The following SLC35F5 variants were observed in gnomAD, a reference collection of about 807,000 sequenced individuals.
SLC35F5 encodes the protein solute carrier family 35 member F5.
SLC35F5 carries 54 observed loss-of-function variants against 68.6 expected under a neutral mutation model. The ratio of observed to expected loss-of-function variants is 0.79; its 90% CI spans 0.63 to 0.99. SLC35F5 has a LOEUF of 0.99. SLC35F5 is among the 50% of genes least tolerant of loss of function. The pLI, the probability that SLC35F5 is intolerant of heterozygous loss-of-function variation, is 0.00. For synonymous variants in SLC35F5, 211 were observed against 205.2 expected, an observed-to-expected ratio of 1.03 and a Z score of -0.24; for missense variants, 567 against 626.9, an observed-to-expected ratio of 0.90 and a Z score of 1.02.
intron 7 of SLC35F5, among the ~76,000 whole-genome samples, chr2:113,740,151 G>C (rs942373014): frequency 1.3e-5 from 2 of 152,082 alleles, no homozygotes; most frequent in African/African-American, 4.8e-5. Context: ...ATTGTAATAC[G>C]GTAAAAATTA....
rs964012277 is a variant in SLC35F5, at chr2:113,742,760, T to C, written c.682A>G (p.Ile228Val). Residue 228 changes from isoleucine (I) to valine (V), a missense_variant, in exon 7 of 16, where the codon ATA (isoleucine) becomes GTA (valine). Ile to Val is a conservative substitution (Grantham distance 29). Coordinates refer to ENST00000245680, the MANE Select transcript of SLC35F5 (RefSeq NM_025181.5). Reference sequence around the variant, plus strand: ...GTAAGTTTCCCCACAGTTTTCAGTATGGATTCTTGTTCTTTCACAGGATAT... The same window carrying C: ...GTAAGTTTCCCCACAGTTTTCAGTACGGATTCTTGTTCTTTCACAGGATAT... ...MSYPVKEQES[I>V]LKTVGKLTAT... 5 of 1,614,164 alleles carry C rather than the reference T, an allele frequency of 3.1e-6. No individual in the cohort carries two copies. The Admixed American group carries it at 5.0e-5, about 16-fold the overall frequency.
At chr2:113,732,856 A>C in intron 9 of SLC35F5, among the ~76,000 whole-genome samples, 1 of 152,206 alleles carries the variant, frequency 6.6e-6, no homozygotes, top group African/African-American at 2.4e-5. Context: ...CAGAAATGTA[A>C]GGAACTTGTT....
chr2:113,747,202 CG>C (rs1676527233), intron 4 of SLC35F5, among the ~76,000 whole-genome samples: 1 of 151,196 alleles, frequency 6.6e-6, no homozygotes, highest in South Asian at 2.1e-4. Flanking sequence ...GCAGGGGAAT[CG>C]CTTGAACCAG....
intron 13 of SLC35F5, 96 bp downstream of exon 13, chr2:113,723,008 G>A: frequency 1.3e-6 from 1 of 744,016 alleles, no homozygotes; most frequent in Non-Finnish European, 2.0e-6. Flanking sequence ...TATTATTTAT[G>A]TTTGTATCCT....
At position 113,725,540 on chromosome 2, in the gene SLC35F5, G is replaced by T; in HGVS notation, c.1091-3C>A. The T allele has an allele frequency of 6.4e-7, 1 of 1,571,432 alleles. No homozygotes were observed. Among genetic ancestry groups the T allele is most frequent in the South Asian group, 1.2e-5 (1 of 83,812 alleles). On this transcript the variant is annotated splice_polypyrimidine_tract_variant and splice_region_variant and intron_variant, in intron 11 of 15. Transcript: ENST00000245680. ...CAGATTAAACAAACCTACAAAACCTGAACATGTATAAAAGAGACAAGAGTT... is the reference window on the plus strand; with the variant it reads ...CAGATTAAACAAACCTACAAAACCTTAACATGTATAAAAGAGACAAGAGTT...
chr2:113,720,367 C>A (rs189111722), intron 13 of SLC35F5, among the ~76,000 whole-genome samples: 2 of 151,422 alleles, frequency 1.3e-5, no homozygotes, highest in Admixed American at 1.3e-4. Context: ...AGGTAAGACT[C>A]CCTCTGGTGG....
At position 113,755,239 on chromosome 2, in the gene SLC35F5, T is replaced by C; in HGVS notation, c.199A>G (p.Arg67Gly). 6.2e-7 allele frequency: 1 copy of C among 1,614,102 alleles called. No homozygotes were observed. Among genetic ancestry groups the C allele is most frequent in the South Asian group, 1.1e-5 (1 of 91,084 alleles). Residue 67 changes from arginine (R) to glycine (G), a missense_variant, in exon 3 of 16, where the codon AGG becomes GGG. By Grantham distance (125) the Arg-to-Gly change is moderately radical. Coordinates refer to ENST00000245680, the MANE Select transcript of SLC35F5 (RefSeq NM_025181.5). Reference sequence around the variant, plus strand: ...ATAACAATCCCAAGAGCCATTCGCCTGCGCTGAGTGAAACCACTGTTCTGG... The same window carrying C: ...ATAACAATCCCAAGAGCCATTCGCCCGCGCTGAGTGAAACCACTGTTCTGG... The part of the protein sequence containing the change: ...NSQNSGFTQR[R>G]RMALGIVILL...
At chr2:113,727,880 T>C (rs1253657416) in intron 11 of SLC35F5, among the ~76,000 whole-genome samples, 1 of 152,162 alleles carries the variant, frequency 6.6e-6, no homozygotes, top group Non-Finnish European at 1.5e-5. Flanking sequence ...ATGTATAAAT[T>C]TTTAAAAAGT....
At chr2:113,734,255 G>A (rs79296868) in intron 9 of SLC35F5, among the ~76,000 whole-genome samples, 2,752 of 152,278 alleles carry the variant, frequency 0.018, 42 homozygotes, top group Non-Finnish European at 0.026. Context: ...AGGGGAAATT[G>A]CCTTAAGAAA....
In SLC35F5 at chr2:113,725,601, C is replaced by G. The variant is rs1430838057; in HGVS notation, c.1091-64G>C. On this transcript the variant is annotated intron_variant, in intron 11 of 15. Transcript: ENST00000245680. ...TATTTCTATTTTCCAAGCTTATTAA[C>G]TCTAAAATCAAAATTAGATTTTGCA... 4.2e-6 allele frequency: 6 copies of G among 1,423,630 alleles called. No individual in the cohort carries two copies. In the Admixed American group the frequency reaches 1.3e-4, roughly 32 times the overall value. The allele number at this position is 1,423,630 out of a possible 1,614,324, so 88.2% of individuals were successfully genotyped here.
intron 6 of SLC35F5, among the ~76,000 whole-genome samples, chr2:113,743,092 A>C (rs1026760409): frequency 3.9e-5 from 6 of 152,232 alleles, no homozygotes; most frequent in Non-Finnish European, 2.9e-5. Context: ...ATGTTGTAAA[A>C]GGTTTAAAAT....
In SLC35F5 at chr2:113,712,212, A is replaced by G. The variant is rs148809750; in HGVS notation, c.*3006T>C. 6.2e-4 allele frequency among the ~76,000 whole-genome samples: 94 copies of G among 152,390 alleles called. No homozygotes were observed. Among genetic ancestry groups the G allele is most frequent in the African/African-American group, 2.2e-3 (91 of 41,592 alleles). On this transcript the variant is annotated 3_prime_UTR_variant, in exon 16 of 16. Transcript: ENST00000245680. ...AATTAAATCAGGTTGACAGAAGCCAATATCTCAATGTTTTTAAATTAAAAT... is the reference window on the plus strand; with the variant it reads ...AATTAAATCAGGTTGACAGAAGCCAGTATCTCAATGTTTTTAAATTAAAAT...
intron 9 of SLC35F5, 24 bp from the exon 10 acceptor site, chr2:113,731,672 G>C: frequency 5.1e-6 from 8 of 1,581,074 alleles, no homozygotes; most frequent in Non-Finnish European, 7.0e-6. Flanking sequence ...AGTCATTAAT[G>C]ATGAGCTAAA....
intron 7 of SLC35F5, among the ~76,000 whole-genome samples, chr2:113,741,041 A>G (rs957248254): frequency 3.3e-5 from 5 of 152,246 alleles, no homozygotes; most frequent in Non-Finnish European, 5.9e-5. Flanking sequence ...GCATCTATTG[A>G]CAGAATAATG....
At chr2:113,704,749 A>G (rs536712248), downstream of SLC35F5, among the ~76,000 whole-genome samples, 1 of 151,998 alleles carries the variant, frequency 6.6e-6, no homozygotes, top group Non-Finnish European at 1.5e-5. Context: ...CTGGCCCGCA[A>G]GCACCGCGCG....
At chr2:113,743,949 C>G in intron 5 of SLC35F5, 155 bp from the exon 6 acceptor site, 1 of 501,762 alleles carries the variant, frequency 2.0e-6, no homozygotes, top group Non-Finnish European at 3.5e-6. Context: ...AAAAAGGAAA[C>G]TCAACAGATC....
At chr2:113,722,221 T>G (rs1687471535) in intron 13 of SLC35F5, among the ~76,000 whole-genome samples, 1 of 152,094 alleles carries the variant, frequency 6.6e-6, no homozygotes, top group East Asian at 1.9e-4. Context: ...GTGATCTGCC[T>G]GCCTCGGCCT....
chr2:113,719,497 A>G, intron 13 of SLC35F5, 189 bp from the exon 14 acceptor site: 2 of 462,248 alleles, frequency 4.3e-6, no homozygotes, highest in South Asian at 8.4e-5. Context: ...TTACTATTCC[A>G]TGCACCTAAA....
At position 113,718,219 on chromosome 2, in the gene SLC35F5, G is replaced by GGACT. The variant is rs113378324; in HGVS notation, c.1497-373_1497-370dup. On this transcript the variant is annotated intron_variant, in intron 14 of 15. Coordinates refer to ENST00000245680, the MANE Select transcript of SLC35F5 (RefSeq NM_025181.5). ...CTACCTCAGCCTCCCAAGTAGCTTG[G>GGACT]GACTGCAGGTATATGCCATCATGTC... is the stretch of plus-strand genomic sequence containing the variant. Among the ~76,000 whole-genome samples, 36 of 151,900 alleles carry GGACT rather than the reference G, an allele frequency of 2.4e-4. 1 individual carries two copies. The highest frequency in any genetic ancestry group is 8.2e-4 in the African/African-American group (34 of 41,452).
Sources: allele counts gnomAD v4.1 joint callset (sites outside exome capture counted in the v4.1 genomes callset), GRCh38; gene constraint gnomAD v4.1.1; transcripts MANE v1.5; gene names NCBI Gene and HGNC (gene_info 2026-07-23, HGNC 2026-07-21).